The following PAMR1 variants were observed in gnomAD, a reference collection of about 807,000 sequenced individuals.
PAMR1 encodes the protein peptidase domain containing associated with muscle regeneration 1.
In PAMR1, 88 loss-of-function variants were observed where a neutral mutation model predicts 81.8. The ratio of observed to expected loss-of-function variants is 1.08; its 90% CI spans 0.91 to 1.28. PAMR1 has a LOEUF of 1.28. PAMR1 is among the 50% of genes most tolerant of loss of function. The pLI is 0.00. For synonymous variants in PAMR1, 336 were observed against 345.3 expected (o/e 0.97, Z 0.30); for missense variants, 935 against 919.7 (o/e 1.02, Z -0.21).
At chr11:35,528,316 C>G (rs529460142), upstream of PAMR1, among the ~76,000 whole-genome samples, 1 of 152,158 alleles carries the variant, frequency 6.6e-6, no homozygotes, top group African/African-American at 2.4e-5. Flanking sequence ...GGAGACAACC[C>G]TAGACCCTTA....
intron 2 of PAMR1, 92 bp downstream of exon 2, chr11:35,494,004 G>A (rs1432298454): frequency 3.1e-6 from 3 of 969,398 alleles, no homozygotes; most frequent in South Asian, 3.0e-5. Context: ...GCCTCCTGAT[G>A]GCTGCCTGCT....
chr11:35,433,726 AGATGGATGGATGGATGGATG>A (rs71044517), intron 10 of PAMR1, among the ~76,000 whole-genome samples: 5 of 148,776 alleles, frequency 3.4e-5, no homozygotes, highest in African/African-American at 1.0e-4. Context: ...ATAGATGGAG[AGATGGATGGATGGATGGATG>A]GATGGATGGA....
At chr11:35,518,714 C>T (rs888878024) in intron 1 of PAMR1, among the ~76,000 whole-genome samples, 2 of 151,892 alleles carry the variant, frequency 1.3e-5, no homozygotes, top group African/African-American at 4.8e-5. Flanking sequence ...AACATTGATG[C>T]TTTAGTTTCT....
intron 6 of PAMR1, among the ~76,000 whole-genome samples, chr11:35,463,472 G>C (rs1035026037): frequency 6.6e-6 from 1 of 152,218 alleles, no homozygotes; most frequent in African/African-American, 2.4e-5. Flanking sequence ...AATTAGAGCA[G>C]GACGATGAAT....
chr11:35,476,684 C>T (rs1302761211), intron 3 of PAMR1, among the ~76,000 whole-genome samples: 1 of 152,168 alleles, frequency 6.6e-6, no homozygotes, highest in African/African-American at 2.4e-5. Flanking sequence ...TGTTGTCCAC[C>T]TAGCATCCAA....
chr11:35,518,771 A>G (rs1030531609), intron 1 of PAMR1, among the ~76,000 whole-genome samples: 3 of 152,062 alleles, frequency 2.0e-5, no homozygotes, highest in Admixed American at 6.5e-5. Flanking sequence ...ACAACCCAAC[A>G]TCCCCTCTCC....
intron 1 of PAMR1, among the ~76,000 whole-genome samples, chr11:35,499,053 AC>A (rs1850780859): frequency 6.6e-6 from 1 of 152,184 alleles, no homozygotes; most frequent in African/African-American, 2.4e-5. Flanking sequence ...GCTGGCTGGC[AC>A]ACAGAGGTGC....
chr11:35,500,356 C>A (rs1244570355), intron 1 of PAMR1, among the ~76,000 whole-genome samples: 1 of 152,138 alleles, frequency 6.6e-6, no homozygotes, highest in Non-Finnish European at 1.5e-5. Context: ...TGAACTCATT[C>A]TTTTGTTTTT....
At chr11:35,491,992 G>A (rs983000219) in intron 3 of PAMR1, 53 bp downstream of exon 3, 4 of 1,482,998 alleles carry the variant, frequency 2.7e-6, no homozygotes, top group Non-Finnish European at 3.6e-6. Flanking sequence ...ATTGTAAGCT[G>A]AGACTTTAAG....
chr11:35,476,585 T>G (rs566610047), intron 3 of PAMR1, among the ~76,000 whole-genome samples: 4 of 152,138 alleles, frequency 2.6e-5, no homozygotes, highest in Non-Finnish European at 5.9e-5. Context: ...TTAAACCTCT[T>G]TCCTTTATAA....
At chr11:35,434,948 CT>C (rs1856003957) in intron 9 of PAMR1, 144 bp from the exon 10 acceptor site, 1 of 749,652 alleles carries the variant, frequency 1.3e-6, no homozygotes, top group South Asian at 1.9e-5. Flanking sequence ...CAGTTTTCTT[CT>C]GCATTTAAAT....
At chr11:35,503,510 G>A (rs933423674) in intron 1 of PAMR1, among the ~76,000 whole-genome samples, 9 of 152,046 alleles carry the variant, frequency 5.9e-5, no homozygotes, top group African/African-American at 2.2e-4. Flanking sequence ...CCATAAGCAT[G>A]CAATATCTTT....
intron 6 of PAMR1, among the ~76,000 whole-genome samples, chr11:35,447,836 T>C (rs1044326620): frequency 3.9e-5 from 6 of 152,338 alleles, no homozygotes; most frequent in African/African-American, 1.4e-4. Context: ...AAGGCAGGCC[T>C]TGTGGTGACA....
intron 6 of PAMR1, among the ~76,000 whole-genome samples, chr11:35,445,003 T>C (rs1274223213): frequency 6.6e-6 from 1 of 152,236 alleles, no homozygotes; most frequent in Non-Finnish European, 1.5e-5. Flanking sequence ...GTTTGTGTCC[T>C]CTCTGATTTC....
chr11:35,460,121 T>C (rs1856621247), intron 6 of PAMR1, among the ~76,000 whole-genome samples: 1 of 152,230 alleles, frequency 6.6e-6, no homozygotes, highest in Non-Finnish European at 1.5e-5. Context: ...AGGAGGGACA[T>C]GTAGTTAATG....
chr11:35,472,085 G>A (rs143137865), intron 4 of PAMR1, among the ~76,000 whole-genome samples: 1 of 152,280 alleles, frequency 6.6e-6, no homozygotes, highest in Non-Finnish European at 1.5e-5. Context: ...CTTCACAAAG[G>A]GTTGATCACA....
chr11:35,438,092 G>A (rs1217497232), intron 8 of PAMR1, among the ~76,000 whole-genome samples: 1 of 152,130 alleles, frequency 6.6e-6, no homozygotes, highest in African/African-American at 2.4e-5. Flanking sequence ...ATGCGTGCAA[G>A]GTACTTTGCT....
intron 1 of PAMR1, among the ~76,000 whole-genome samples, chr11:35,504,053 G>A (rs1474566065): frequency 6.6e-6 from 1 of 151,944 alleles, no homozygotes; most frequent in Non-Finnish European, 1.5e-5. Context: ...TTCTTTCTAT[G>A]CCTAGTTTTT....
In PAMR1 at chr11:35,460,692, T is replaced by C. The variant is rs1015894244; in HGVS notation, c.820+7309A>G. ...TGGCTACATAGTATTCCATGGTGCA[T>C]ATGTGCCACATTTTCTTAATCCAGT... On this transcript the variant is annotated intron_variant, in intron 6 of 10. Coordinates refer to ENST00000619888, the MANE Select transcript of PAMR1 (RefSeq NM_001001991.3). Among the ~76,000 whole-genome samples, 11 of 152,334 alleles carry C rather than the reference T, an allele frequency of 7.2e-5. No homozygotes were observed. In the East Asian group the frequency reaches 2.1e-3, roughly 29 times the overall value.
Sources: allele counts gnomAD v4.1 joint callset (sites outside exome capture counted in the v4.1 genomes callset), GRCh38; gene constraint gnomAD v4.1.1; transcripts MANE v1.5; gene names NCBI Gene and HGNC (gene_info 2026-07-23, HGNC 2026-07-21).